The following SLC9C2 variants were observed in gnomAD, a reference collection of about 807,000 sequenced individuals.
SLC9C2 encodes solute carrier family 9 member C2 (putative), also known as sodium/hydrogen exchanger 11.
A neutral mutation model predicts 140.2 loss-of-function variants in SLC9C2; 75 were observed. The ratio of observed to expected loss-of-function variants is 0.53; its 90% CI spans 0.44 to 0.65. SLC9C2 has a LOEUF of 0.65. Ranked by LOEUF, SLC9C2 falls within the 30% of genes least tolerant of loss-of-function variation. SLC9C2 has a pLI of 0.00. For missense variants in SLC9C2, 1,074 were observed against 1,331.8 expected, an observed-to-expected ratio of 0.81 and a Z score of 3.01; for synonymous variants, 375 against 420.9, an observed-to-expected ratio of 0.89 and a Z score of 1.34.
At chr1:173,526,825 C>A in intron 18 of SLC9C2, 111 bp from the exon 19 acceptor site, 2 of 750,164 alleles carry the variant, frequency 2.7e-6, no homozygotes, top group Non-Finnish European at 4.3e-6. Context: ...ACTTATTATA[C>A]CAAGTATAGT....
At chr1:173,596,049 A>G (rs895073604) in intron 4 of SLC9C2, among the ~76,000 whole-genome samples, 2 of 152,146 alleles carry the variant, frequency 1.3e-5, no homozygotes, top group African/African-American at 2.4e-5. Context: ...TACCCCTTGG[A>G]GGCTGGCTTA....
chr1:173,587,552 A>AT (rs1461262350), intron 5 of SLC9C2, 113 bp downstream of exon 5: 7 of 1,052,210 alleles, frequency 6.7e-6, no homozygotes, highest in Non-Finnish European at 8.0e-6. Flanking sequence ...TGAAAAAAAA[A>AT]GCACAGAGTC....
chr1:173,502,528 C>T (rs1659357209), intron 27 of SLC9C2, among the ~76,000 whole-genome samples: 1 of 152,150 alleles, frequency 6.6e-6, no homozygotes, highest in Admixed American at 6.5e-5. Flanking sequence ...CCCACCACCA[C>T]CAAAATTGTC....
chr1:173,546,301 G>A (rs1274827303), intron 13 of SLC9C2, among the ~76,000 whole-genome samples: 2 of 152,198 alleles, frequency 1.3e-5, no homozygotes, highest in Non-Finnish European at 2.9e-5. Flanking sequence ...GGGAGGGTGA[G>A]GTGGGCAGAT....
intron 9 of SLC9C2, among the ~76,000 whole-genome samples, chr1:173,567,324 G>A (rs1170225712): frequency 1.3e-5 from 2 of 151,930 alleles, no homozygotes; most frequent in Non-Finnish European, 2.9e-5. Flanking sequence ...AATAATATTT[G>A]TTTTATCTGG....
intron 9 of SLC9C2, among the ~76,000 whole-genome samples, chr1:173,565,525 T>C (rs767204246): frequency 5.9e-5 from 9 of 152,164 alleles, no homozygotes; most frequent in Non-Finnish European, 1.3e-4. Flanking sequence ...TGTAGACATA[T>C]GGATTTATTT....
In SLC9C2 at chr1:173,556,741, A is replaced by T. The variant is rs910436371; in HGVS notation, c.1215+599T>A. 9.9e-5 allele frequency among the ~76,000 whole-genome samples: 15 copies of T among 151,008 alleles called. No homozygotes were observed. In the Admixed American group the frequency reaches 1.0e-3, roughly 10 times the overall value. ...AGACCAGCCTGGCCAACATGGCAAA[A>T]CCCCGTCTCTACTAAAAATAACAAA... On this transcript the variant is annotated intron_variant, in intron 10 of 27. Transcript: ENST00000367714.
chr1:173,524,465 C>T (rs1179766505), intron 20 of SLC9C2, among the ~76,000 whole-genome samples: 1 of 152,178 alleles, frequency 6.6e-6, no homozygotes, highest in Non-Finnish European at 1.5e-5. Context: ...AAATCCCTTC[C>T]TTAGGCCTTG....
rs1308858249 is a variant in SLC9C2, at chr1:173,505,270, C to A, written c.3287G>T (p.Arg1096Ile). 2.5e-6 allele frequency: 4 copies of A among 1,613,954 alleles called. No homozygotes were observed. The highest frequency in any genetic ancestry group is 3.4e-6 in the Non-Finnish European group (4 of 1,179,950). The change falls in exon 26 of 28, where the codon AGA becomes ATA. Residue 1096 changes from arginine to isoleucine, a missense_variant. Physicochemically the swap from Arg to Ile is moderately conservative, Grantham distance 97 (BLOSUM62 -3). Coordinates refer to ENST00000367714, the MANE Select transcript of SLC9C2 (RefSeq NM_178527.4). Reference protein sequence around the residue: ...LIIQASELTQRNSNTNVMASV... With the variant: ...LIIQASELTQINSNTNVMASV... ...ACCCATGACATTGGTGTTACTATTTCTTTGGGTAAGCTCAGATGCTTGGAT... is the reference window on the plus strand; with the variant it reads ...ACCCATGACATTGGTGTTACTATTTATTTGGGTAAGCTCAGATGCTTGGAT...
chr1:173,594,128 C>G (rs552921396), intron 4 of SLC9C2, among the ~76,000 whole-genome samples: 1 of 152,176 alleles, frequency 6.6e-6, no homozygotes, highest in East Asian at 1.9e-4. Context: ...TGAGACAAAA[C>G]AGATACATTT....
At chr1:173,586,169 G>T (rs931579642) in intron 5 of SLC9C2, among the ~76,000 whole-genome samples, 2 of 151,964 alleles carry the variant, frequency 1.3e-5, no homozygotes, top group African/African-American at 4.8e-5. Flanking sequence ...AATAAGACAG[G>T]TAAGGAAAGA....
intron 26 of SLC9C2, among the ~76,000 whole-genome samples, chr1:173,504,575 C>T (rs1011864736): frequency 6.6e-6 from 1 of 152,034 alleles, no homozygotes; most frequent in Non-Finnish European, 1.5e-5. Context: ...AGTTACAAAG[C>T]TAGAGTGTGT....
At position 173,542,326 on chromosome 1, in the gene SLC9C2, G is replaced by A. The variant is rs557321703; in HGVS notation, c.1558-5287C>T. 2.1e-5 allele frequency among the ~76,000 whole-genome samples: 3 copies of A among 141,674 alleles called. No homozygotes were observed. In the South Asian group the frequency reaches 7.3e-4, roughly 35 times the overall value. The allele number at this position is 141,674 out of a possible 152,430, so 92.9% of individuals were successfully genotyped here. ...TAAACCAGGAAGAAGTTGAATGGCT[G>A]AATAGACCAATAACAGGATCTGAAA... On this transcript the variant is annotated intron_variant, in intron 13 of 27. Transcript: ENST00000367714.
chr1:173,587,050 A>G (rs1185034282), intron 5 of SLC9C2, among the ~76,000 whole-genome samples: 1 of 152,142 alleles, frequency 6.6e-6, no homozygotes, highest in Non-Finnish European at 1.5e-5. Context: ...AAACCTGACA[A>G]TAGGGGGATA....
At chr1:173,528,066 C>T (rs1181743152) in intron 18 of SLC9C2, among the ~76,000 whole-genome samples, 1 of 152,152 alleles carries the variant, frequency 6.6e-6, no homozygotes, top group Admixed American at 6.5e-5. Flanking sequence ...CTTACAGCAA[C>T]CCTGTAAGAC....
chr1:173,554,816 T>C lies in SLC9C2; in HGVS notation c.1216-2A>G. ...TATTACTTGTACATAGAGTATAAAC[T>C]AAAAACAAAGCACATAAATAGTTAG... On this transcript the variant is annotated splice_acceptor_variant, in intron 10 of 27. Coordinates refer to ENST00000367714, the MANE Select transcript of SLC9C2 (RefSeq NM_178527.4). LOFTEE classifies it high-confidence loss of function. 1 of 1,549,064 alleles carries C rather than the reference T, an allele frequency of 6.5e-7. No individual in the cohort carries two copies. Among genetic ancestry groups the C allele is most frequent in the Non-Finnish European group, 8.9e-7 (1 of 1,125,146 alleles).
chr1:173,527,922 T>C (rs1661319497), intron 18 of SLC9C2, among the ~76,000 whole-genome samples: 1 of 152,220 alleles, frequency 6.6e-6, no homozygotes, highest in Non-Finnish European at 1.5e-5. Context: ...TTATTTCTTC[T>C]TACTCGATAA....
chr1:173,592,620 G>A lies in SLC9C2; in HGVS notation c.358-4790C>T, dbSNP rs1431686398. 2.6e-5 allele frequency among the ~76,000 whole-genome samples: 4 copies of A among 152,020 alleles called. No individual in the cohort carries two copies. In the East Asian group the frequency reaches 5.8e-4, roughly 22 times the overall value. ...GATATTTTAGTCTTTTATGTCAATC[G>A]TGAATGAGATTGCATTCCTAATTTG... On this transcript the variant is annotated intron_variant, in intron 4 of 27. Transcript: ENST00000367714.
intron 7 of SLC9C2, among the ~76,000 whole-genome samples, chr1:173,579,572 A>C (rs552355780): frequency 6.6e-6 from 1 of 152,172 alleles, no homozygotes; most frequent in Non-Finnish European, 1.5e-5. Context: ...AAGTGTCTCA[A>C]TTGTTTAAGG....
Sources: allele counts gnomAD v4.1 joint callset (sites outside exome capture counted in the v4.1 genomes callset), GRCh38; gene constraint gnomAD v4.1.1; transcripts MANE v1.5; gene names NCBI Gene and HGNC (gene_info 2026-07-23, HGNC 2026-07-21).